HSPA12A: variants seen among roughly 807,000 people sequenced by gnomAD.
The protein encoded by HSPA12A is heat shock 70 kDa protein 12A.
A neutral mutation model predicts 69.2 loss-of-function variants in HSPA12A; 28 were observed. The ratio of observed to expected loss-of-function variants is 0.40; its 90% CI spans 0.30 to 0.55. The LOEUF (loss-of-function observed/expected upper bound fraction) is 0.55, where lower values mean the gene tolerates loss of function less well. Among genes scored for constraint, HSPA12A ranks in the 20% least tolerant of loss-of-function variants. The probability of loss-of-function intolerance (pLI) is 0.38; values close to 1 mark genes in which losing one functional copy is unlikely to be tolerated. For synonymous variants in HSPA12A, 345 were observed against 370.5 expected (o/e 0.93, Z 0.79); for missense variants, 686 against 900.7 (o/e 0.76, Z 3.05).
At chr10:116,697,393 T>A (rs1161367725) in intron 5 of HSPA12A, among the ~76,000 whole-genome samples, 5 of 127,992 alleles carry the variant, frequency 3.9e-5, no homozygotes, top group Admixed American at 9.1e-5. Flanking sequence ...CAGACCTTTG[T>A]GGGGGCGACC....
intron 1 of HSPA12A, among the ~76,000 whole-genome samples, chr10:116,720,510 A>C (rs1317181241): frequency 3.3e-5 from 5 of 152,224 alleles, no homozygotes; most frequent in Non-Finnish European, 7.3e-5. Flanking sequence ...CTGGCTAGTC[A>C]GAGTAGAATG....
intron 1 of HSPA12A, among the ~76,000 whole-genome samples, chr10:116,719,911 C>T (rs1216862211): frequency 1.3e-5 from 2 of 152,182 alleles, no homozygotes; most frequent in Non-Finnish European, 2.9e-5. Context: ...CTCTGTGACT[C>T]CCACTCAAGT....
chr10:116,742,600 C>G (rs1262480038), upstream of HSPA12A: 1 of 1,097,382 alleles, frequency 9.1e-7, no homozygotes, highest in African/African-American at 1.7e-5. Context: ...TGCTCTGACG[C>G]GGCAGCCGCC....
chr10:116,752,506 C>G (rs1589685762), intron 2 of HSPA12A, among the ~76,000 whole-genome samples: 1 of 152,150 alleles, frequency 6.6e-6, no homozygotes, highest in Non-Finnish European at 1.5e-5. Flanking sequence ...CAGACACAGG[C>G]CCAGCCCTCA....
intron 2 of HSPA12A, among the ~76,000 whole-genome samples, chr10:116,819,478 G>T (rs1845369763): frequency 6.6e-6 from 1 of 152,166 alleles, no homozygotes; most frequent in Non-Finnish European, 1.5e-5. Flanking sequence ...CTTTGTGAAT[G>T]GGATTAGTGC....
chr10:116,698,826 G>C, intron 4 of HSPA12A, 87 bp from the exon 5 acceptor site: 1 of 1,015,482 alleles, frequency 9.8e-7, no homozygotes. Context: ...AGGGGACCTA[G>C]AGGATCCTGG....
At chr10:116,759,249 A>T (rs1843919340) in intron 2 of HSPA12A, among the ~76,000 whole-genome samples, 1 of 152,226 alleles carries the variant, frequency 6.6e-6, no homozygotes, top group South Asian at 2.1e-4. Flanking sequence ...TTTCAGAGGT[A>T]GTTCTGTCTC....
intron 2 of HSPA12A, among the ~76,000 whole-genome samples, chr10:116,804,057 CG>C (rs1589716383): frequency 6.6e-6 from 1 of 152,308 alleles, no homozygotes; most frequent in East Asian, 1.9e-4. Context: ...TGTCTTGCAA[CG>C]GCCCCTCTGT....
In HSPA12A at chr10:116,778,027, GTTAT is replaced by G. The variant is rs559300270; in HGVS notation, c.91+56904_91+56907del. Among the ~76,000 whole-genome samples the G allele has an allele frequency of 1.5e-3, 226 of 152,230 alleles. 1 individual carries two copies. Among genetic ancestry groups the G allele is most frequent in the Non-Finnish European group, 1.5e-3 (102 of 68,020 alleles). ...AGACACGAGCCACTGCACCCAGCCT[GTTAT>G]TTAACTCTTAATAATGGCTGTGCTT... On this transcript the variant is annotated intron_variant, in intron 2 of 12. Coordinates refer to the HSPA12A transcript ENST00000635765.
At chr10:116,682,758 T>C (rs1479762675) in intron 7 of HSPA12A, among the ~76,000 whole-genome samples, 1 of 152,054 alleles carries the variant, frequency 6.6e-6, no homozygotes, top group East Asian at 1.9e-4. Context: ...TGGAGTGCAG[T>C]GGTGCGATCT....
chr10:116,731,422 C>G (rs1851149416), intron 1 of HSPA12A, among the ~76,000 whole-genome samples: 1 of 152,286 alleles, frequency 6.6e-6, no homozygotes, highest in South Asian at 2.1e-4. Flanking sequence ...CACTGCCAGA[C>G]CGGATGACCA....
chr10:116,811,662 C>T (rs1327552839), intron 2 of HSPA12A, among the ~76,000 whole-genome samples: 1 of 150,116 alleles, frequency 6.7e-6, no homozygotes, highest in African/African-American at 2.4e-5. Flanking sequence ...AACATCTTCA[C>T]ATCTATTAAG....
chr10:116,813,433 G>A (rs1275318861), intron 2 of HSPA12A, among the ~76,000 whole-genome samples: 1 of 151,702 alleles, frequency 6.6e-6, no homozygotes, highest in Non-Finnish European at 1.5e-5. Context: ...ATTTTTCGTA[G>A]AGACAGGGTT....
At chr10:116,808,480 G>A (rs1479325631) in intron 2 of HSPA12A, among the ~76,000 whole-genome samples, 1 of 152,162 alleles carries the variant, frequency 6.6e-6, no homozygotes, top group African/African-American at 2.4e-5. Context: ...AACATGGTAT[G>A]AGGCTGATTT....
intron 2 of HSPA12A, among the ~76,000 whole-genome samples, chr10:116,799,110 GATTAAAGGA>G (rs1408484115): frequency 6.6e-6 from 1 of 152,084 alleles, no homozygotes; most frequent in Non-Finnish European, 1.5e-5. Context: ...ACTGACGGAG[GATTAAAGGA>G]ATCTCCCACT....
intron 1 of HSPA12A, among the ~76,000 whole-genome samples, chr10:116,841,840 T>C (rs1193175270): frequency 1.3e-5 from 2 of 151,738 alleles, no homozygotes; most frequent in African/African-American, 2.4e-5. Flanking sequence ...TAGGACAAAA[T>C]AGCTGCCAAC....
intron 2 of HSPA12A, among the ~76,000 whole-genome samples, chr10:116,798,487 C>T (rs965131071): frequency 1.3e-5 from 2 of 152,158 alleles, no homozygotes; most frequent in Admixed American, 1.3e-4. Flanking sequence ...AAGTGAGTTT[C>T]AGTAGCATAG....
At chr10:116,742,021 G>C (rs1216095151) in intron 1 of HSPA12A, among the ~76,000 whole-genome samples, 1 of 152,134 alleles carries the variant, frequency 6.6e-6, no homozygotes, top group Non-Finnish European at 1.5e-5. Context: ...GGGGCCACCC[G>C]GCCACCCGGC....
chr10:116,696,382 G>A (rs1343771972), intron 5 of HSPA12A, among the ~76,000 whole-genome samples: 1 of 152,106 alleles, frequency 6.6e-6, no homozygotes, highest in East Asian at 1.9e-4. Context: ...CCCCCATACT[G>A]TTCTCGTGGT....
Sources: gnomAD v4.1 joint callset for allele counts (sites outside exome capture counted in the v4.1 genomes callset) on GRCh38, gnomAD v4.1.1 for gene constraint, MANE v1.5 for transcripts, NCBI Gene and HGNC (gene_info 2026-07-23, HGNC 2026-07-21) for gene names.